The following TENM2 variants were observed in gnomAD, a reference collection of about 807,000 sequenced individuals.
TENM2 encodes teneurin-2.
TENM2 carries 52 observed loss-of-function variants against 245.2 expected under a neutral mutation model. The ratio of observed to expected loss-of-function variants is 0.21; its 90% CI spans 0.17 to 0.27. The LOEUF is 0.27. Among genes scored for constraint, TENM2 ranks in the 10% least tolerant of loss-of-function variants. The probability of loss-of-function intolerance (pLI) is 1.00; values close to 1 mark genes in which losing one functional copy is unlikely to be tolerated. For missense variants in TENM2, 3,046 were observed against 3,666.8 expected (o/e 0.83, Z 4.37); for synonymous variants, 1,363 against 1,438.9 (o/e 0.95, Z 1.19).
chr5:167,452,129 C>T (rs76880836), intron 2 of TENM2, among the ~76,000 whole-genome samples: 3 of 152,238 alleles, frequency 2.0e-5, no homozygotes, highest in African/African-American at 2.4e-5. Flanking sequence ...ACTTAAGAAA[C>T]GATCTAATAG....
intron 2 of TENM2, among the ~76,000 whole-genome samples, chr5:167,788,999 C>G (rs1157523740): frequency 1.3e-5 from 2 of 152,192 alleles, no homozygotes; most frequent in Non-Finnish European, 2.9e-5. Flanking sequence ...CTCTACCCCA[C>G]TAGATCTACT....
chr5:168,170,227 C>T (rs374442242), intron 13 of TENM2, among the ~76,000 whole-genome samples: 22 of 152,228 alleles, frequency 1.4e-4, no homozygotes, highest in African/African-American at 4.3e-4. Flanking sequence ...GAACCAGCTG[C>T]GCACGGTGGC....
chr5:168,091,399 G>C (rs564898751), intron 8 of TENM2, among the ~76,000 whole-genome samples: 1 of 152,122 alleles, frequency 6.6e-6, no homozygotes, highest in Non-Finnish European at 1.5e-5. Flanking sequence ...AGAGAAAAGC[G>C]AAGTTTCAAC....
intron 2 of TENM2, among the ~76,000 whole-genome samples, chr5:167,397,777 T>C (rs1762139968): frequency 6.6e-6 from 1 of 152,148 alleles, no homozygotes; most frequent in African/African-American, 2.4e-5. Flanking sequence ...ATCTCATATA[T>C]CTTTGTTTGC....
intron 2 of TENM2, among the ~76,000 whole-genome samples, chr5:167,381,277 A>G (rs530164648): frequency 2.6e-5 from 4 of 152,274 alleles, no homozygotes; most frequent in African/African-American, 9.6e-5. Flanking sequence ...TTTAATTTTG[A>G]GTATTATTTA....
chr5:167,859,638 C>T (rs1771518416), intron 2 of TENM2, among the ~76,000 whole-genome samples: 1 of 113,368 alleles, frequency 8.8e-6, no homozygotes, highest in Non-Finnish European at 1.8e-5. Flanking sequence ...GCCAGCCGCC[C>T]CGTCTGGGAG....
At chr5:167,064,960 A>G in the TENM2 span, among the ~76,000 whole-genome samples, 4 of 152,204 alleles carry the variant, frequency 2.6e-5, no homozygotes, top group African/African-American at 9.6e-5. Context: ...TTTTAATACA[A>G]TAATTATGCT....
At chr5:168,215,249 A>G (rs1173144178) in exon 21 of TENM2, 2 of 1,613,782 alleles carry the variant, frequency 1.2e-6, no homozygotes, top group Non-Finnish European at 1.7e-6. Context: ...AAGGCCATAG[A>G]TGCAACCCTG....
At chr5:167,452,931 T>TTATATATATATATATA (rs1554157697) in intron 2 of TENM2, among the ~76,000 whole-genome samples, 4 of 4,862 alleles carry the variant, frequency 8.2e-4, no homozygotes, top group Non-Finnish European at 1.4e-3. Context: ...AAAGTATGAT[T>TTATATATATATATATA]TATATATATA....
At chr5:167,293,983 T>TGTGC in intron 1 of TENM2, among the ~76,000 whole-genome samples, 1 of 151,584 alleles carries the variant, frequency 6.6e-6, no homozygotes, top group East Asian at 1.9e-4. Flanking sequence ...GTTCTGTGTG[T>TGTGC]GTGTGTGTGT....
intron 12 of TENM2, among the ~76,000 whole-genome samples, chr5:168,150,139 T>TGTGA (rs1273514321): frequency 2.0e-5 from 3 of 152,200 alleles, no homozygotes; most frequent in Non-Finnish European, 2.9e-5. Flanking sequence ...CACTGTAGAA[T>TGTGA]GTGAGATCTT....
chr5:167,536,714 T>C (rs1771875593), intron 2 of TENM2, among the ~76,000 whole-genome samples: 1 of 152,156 alleles, frequency 6.6e-6, no homozygotes. Context: ...ACTATTTGTC[T>C]AGTTCAAGAT....
chr5:167,051,661 C>T, the TENM2 span, among the ~76,000 whole-genome samples: 1 of 152,108 alleles, frequency 6.6e-6, no homozygotes, highest in Non-Finnish European at 1.5e-5. Context: ...AGATGTTGTC[C>T]CTGAAAATAT....
the TENM2 span, among the ~76,000 whole-genome samples, chr5:167,113,645 A>C: frequency 1.4e-5 from 2 of 140,242 alleles, no homozygotes; most frequent in Admixed American, 6.8e-5. Flanking sequence ...CCTGTCTCAA[A>C]AAAAAAAAAA....
intron 2 of TENM2, among the ~76,000 whole-genome samples, chr5:167,415,622 C>G (rs1160578525): frequency 6.6e-6 from 1 of 151,806 alleles, no homozygotes; most frequent in Admixed American, 6.6e-5. Context: ...GTAAACCCAG[C>G]ACTTAGAAAG....
intron 2 of TENM2, among the ~76,000 whole-genome samples, chr5:167,416,857 C>T (rs115209786): frequency 2.9e-4 from 44 of 152,138 alleles, no homozygotes; most frequent in African/African-American, 1.0e-3. Flanking sequence ...TATAATCGAT[C>T]GCTTTTATTT....
intron 2 of TENM2, among the ~76,000 whole-genome samples, chr5:167,677,701 A>C (rs926898954): frequency 6.7e-6 from 1 of 149,366 alleles, no homozygotes; most frequent in Non-Finnish European, 1.5e-5. Flanking sequence ...ATATATTTTA[A>C]TGATATTTAT....
chr5:167,130,914 A>ATTTT, the TENM2 span, among the ~76,000 whole-genome samples: 2 of 126,184 alleles, frequency 1.6e-5, no homozygotes, highest in African/African-American at 7.9e-5. Flanking sequence ...TTTTTTTTTA[A>ATTTT]AAAAAAAAAA....
chr5:167,028,866 G>A, the TENM2 span, among the ~76,000 whole-genome samples: 1 of 151,994 alleles, frequency 6.6e-6, no homozygotes, highest in African/African-American at 2.4e-5. Flanking sequence ...TGTGATTGGA[G>A]GCCTGTGTTT....
Sources: gnomAD v4.1 joint callset for allele counts (sites outside exome capture counted in the v4.1 genomes callset) on GRCh38, gnomAD v4.1.1 for gene constraint, MANE v1.5 for transcripts, NCBI Gene and HGNC (gene_info 2026-07-23, HGNC 2026-07-21) for gene names.